PRKDC: variants seen among roughly 807,000 people sequenced by gnomAD.
PRKDC encodes protein kinase, DNA-activated, catalytic subunit, also known as DNA-dependent protein kinase catalytic subunit.
In PRKDC, 82 loss-of-function variants were observed where a neutral mutation model predicts 486.9. The ratio of observed to expected loss-of-function variants is 0.17; its 90% CI spans 0.14 to 0.20. The LOEUF (loss-of-function observed/expected upper bound fraction) is 0.20. Among genes scored for constraint, PRKDC ranks in the 10% least tolerant of loss-of-function variants. The probability of loss-of-function intolerance (pLI) is 1.00; values close to 1 mark genes in which losing one functional copy is unlikely to be tolerated. For synonymous variants in PRKDC, 1,895 were observed against 1,837.0 expected, an observed-to-expected ratio of 1.03 and a Z score of -0.81; for missense variants, 4,504 against 5,038.2, an observed-to-expected ratio of 0.89 and a Z score of 3.21.
intron 17 of PRKDC, among the ~76,000 whole-genome samples, chr8:47,930,415 G>A (rs2090230276): frequency 1.3e-5 from 2 of 152,154 alleles, no homozygotes; most frequent in South Asian, 4.1e-4. Flanking sequence ...TGGGACTACA[G>A]GCGCCTGACA....
intron 44 of PRKDC, 88 bp from the exon 45 acceptor site, chr8:47,861,059 AATTAT>A: frequency 1.1e-6 from 1 of 899,702 alleles, no homozygotes; most frequent in Non-Finnish European, 1.6e-6. Context: ...GCAAAAAAAA[AATTAT>A]AAATTTTTAA....
chr8:47,777,844 G>T lies in PRKDC; in HGVS notation c.11884C>A (p.Arg3962=). The T allele has an allele frequency of 6.2e-7, 1 of 1,613,948 alleles. No individual in the cohort carries two copies. Among genetic ancestry groups the T allele is most frequent in the Non-Finnish European group, 8.5e-7 (1 of 1,179,866 alleles). Residue 3962 remains arginine (R), a synonymous_variant, in exon 84 of 86, where the codon CGG becomes AGG. Transcript: ENST00000314191. ...FLPVPELMPF[R]LTRQFINLML... The stretch of plus-strand genomic sequence containing the variant: ...AGATTGATAAACTGGCGAGTTAGCC[G>T]AAAAGGCATCAACTCAGGGACTGGC...
At chr8:47,834,513 C>G in intron 58 of PRKDC, 117 bp from the exon 59 acceptor site, 2 of 1,058,376 alleles carry the variant, frequency 1.9e-6, no homozygotes, top group South Asian at 3.1e-5. Context: ...TCAACTCCAA[C>G]CCTGGGCAGA....
chr8:47,926,166 T>A (rs1471596606), intron 21 of PRKDC, among the ~76,000 whole-genome samples: 1 of 152,198 alleles, frequency 6.6e-6, no homozygotes, highest in Non-Finnish European at 1.5e-5. Context: ...AAGTGATGTA[T>A]TTGTCATGAA....
rs772128380 is a variant in PRKDC at position 47,774,338 on chromosome 8, G to C, written c.12222C>G (p.Phe4074Leu). ...CTCGTGCCACAGCCACATAGTCTCT[G>C]AAGGCAGGGGCCTTCTCATGACCCA... ...LLLGHEKAPA[F>L]RDYVAVARGS... Residue 4074 changes from phenylalanine (F) to leucine (L), a missense_variant, in exon 86 of 86, where the codon TTC becomes TTG. Phe to Leu is a conservative substitution (Grantham distance 22). Around this residue, in one of 6 missense-constraint regions of PRKDC, gnomAD observed 706 missense variants for 945.0 expected, o/e 0.75. Coordinates refer to ENST00000314191, the MANE Select transcript of PRKDC (RefSeq NM_006904.7). The C allele has an allele frequency of 1.2e-6, 2 of 1,613,474 alleles. No homozygotes were observed. Among genetic ancestry groups the C allele is most frequent in the South Asian group, 2.2e-5 (2 of 90,934 alleles).
At chr8:47,819,954 A>C (rs1589719063) in intron 66 of PRKDC, among the ~76,000 whole-genome samples, 1 of 152,248 alleles carries the variant, frequency 6.6e-6, no homozygotes, top group East Asian at 1.9e-4. Flanking sequence ...AAATGTTATT[A>C]ATAAACTTTA....
At position 47,800,785 on chromosome 8, in the gene PRKDC, A is replaced by G. The variant is rs778989467; in HGVS notation, c.10116+8T>C. 4 of 1,598,514 alleles carry G rather than the reference A, an allele frequency of 2.5e-6. No homozygotes were observed. In the South Asian group the frequency reaches 3.4e-5, roughly 14 times the overall value. On this transcript the variant is annotated splice_region_variant and intron_variant, in intron 71 of 85. Transcript: ENST00000314191. ...GCACACTAGCGTAAAACATTCCTCCAGTATTACCTTCTCTGAATCCTCTGA... is the reference window on the plus strand; with the variant it reads ...GCACACTAGCGTAAAACATTCCTCCGGTATTACCTTCTCTGAATCCTCTGA...
At chr8:47,821,212 A>T (rs1427367464) in intron 65 of PRKDC, among the ~76,000 whole-genome samples, 4 of 152,214 alleles carry the variant, frequency 2.6e-5, no homozygotes, top group Admixed American at 2.6e-4. Flanking sequence ...TGTTACGTAC[A>T]AACTGAGGAA....
At position 47,785,258 on chromosome 8, in the gene PRKDC, C is replaced by A; in HGVS notation, c.10962G>T (p.Met3654Ile). 6.2e-7 allele frequency: 1 copy of A among 1,612,958 alleles called. No homozygotes were observed. Among genetic ancestry groups the A allele is most frequent in the South Asian group, 1.1e-5 (1 of 90,878 alleles). Residue 3654 changes from methionine to isoleucine, a missense_variant, in exon 77 of 86, where the codon ATG becomes ATT. Met to Ile is a conservative substitution (Grantham distance 10, BLOSUM62 1). Around this residue, in one of 6 missense-constraint regions of PRKDC, gnomAD observed 706 missense variants for 945.0 expected, o/e 0.75. Coordinates refer to ENST00000314191, the MANE Select transcript of PRKDC (RefSeq NM_006904.7). Reference protein sequence around the residue: ...FGKGGSKLLRMKLSDFNDITN... With the variant: ...FGKGGSKLLRIKLSDFNDITN... ...TAATGTCGTTGAAGTCACTGAGCTT[C>A]ATTCTCAGTAGTTTAGAACCTCCTT...
At chr8:47,858,005 G>A (rs2088583764) in intron 48 of PRKDC, among the ~76,000 whole-genome samples, 1 of 152,052 alleles carries the variant, frequency 6.6e-6, no homozygotes, top group South Asian at 2.1e-4. Context: ...CTCACCCAGG[G>A]ACCACCCGTG....
chr8:47,904,694 G>C (rs547868730), intron 26 of PRKDC, among the ~76,000 whole-genome samples, 175 bp downstream of exon 26: 2 of 152,348 alleles, frequency 1.3e-5, no homozygotes, highest in East Asian at 3.9e-4. Context: ...TCAGGAGGCT[G>C]AGACAGGAGA....
intron 52 of PRKDC, among the ~76,000 whole-genome samples, chr8:47,850,056 C>T (rs1262651254): frequency 6.6e-6 from 1 of 152,114 alleles, no homozygotes; most frequent in African/African-American, 2.4e-5. Flanking sequence ...ATCTGTCTCC[C>T]CTCCCCAAAT....
At chr8:47,802,479 C>CTTT (rs547957995) in intron 70 of PRKDC, among the ~76,000 whole-genome samples, 3 of 130,326 alleles carry the variant, frequency 2.3e-5, no homozygotes, top group Admixed American at 7.8e-5. Context: ...GAGGAAATGG[C>CTTT]TTTTTTTTTT....
chr8:47,856,097 A>G (rs990375031), intron 49 of PRKDC, among the ~76,000 whole-genome samples: 3 of 152,226 alleles, frequency 2.0e-5, no homozygotes, highest in Non-Finnish European at 4.4e-5. Flanking sequence ...CATTTTATTA[A>G]GCAGAAAACA....
At chr8:47,892,467 A>T (rs1371872577) in intron 31 of PRKDC, among the ~76,000 whole-genome samples, 1 of 152,086 alleles carries the variant, frequency 6.6e-6, no homozygotes, top group Non-Finnish European at 1.5e-5. Flanking sequence ...AGTAGCTGGG[A>T]TCACAGATGT....
Position 47,953,614 on chromosome 8 carries a change from C to T in PRKDC, c.721+6G>A. On this transcript the variant is annotated splice_donor_region_variant and intron_variant, in intron 7 of 85. Coordinates refer to ENST00000314191, the MANE Select transcript of PRKDC (RefSeq NM_006904.7). ...ATAAAGAAAATCAAGTGAAGCCAAG[C>T]AATACCTTCTTCCATGGACTTAGTG... 3 of 1,608,678 alleles carry T rather than the reference C, an allele frequency of 1.9e-6. No individual in the cohort carries two copies. The highest frequency in any genetic ancestry group is 1.7e-4 in the Middle Eastern group (1 of 6,054).
intron 44 of PRKDC, 79 bp from the exon 45 acceptor site, chr8:47,861,050 CAA>C: frequency 1.1e-5 from 9 of 855,276 alleles, no homozygotes; most frequent in South Asian, 4.6e-5. Context: ...AGCAATCTGG[CAA>C]AAAAAAAATT....
intron 21 of PRKDC, among the ~76,000 whole-genome samples, chr8:47,924,593 A>G (rs2090124860): frequency 6.6e-6 from 1 of 151,902 alleles, no homozygotes; most frequent in Admixed American, 6.6e-5. Context: ...AAAAAGGAAA[A>G]TGAGATTTGG....
In PRKDC at chr8:47,914,794, A is replaced by G. The variant is rs768020952; in HGVS notation, c.2617+534T>C. Among the ~76,000 whole-genome samples, 130 of 89,114 alleles carry G rather than the reference A, an allele frequency of 1.5e-3. 1 individual carries two copies. The highest frequency in any genetic ancestry group is 4.8e-3 in the Middle Eastern group (1 of 208). 58.5% of individuals were successfully genotyped at this position (89,114 alleles called of 152,430 possible). ...CCAGCTTGGGCAACAGAGCGAGGGG[A>G]AAAAAAAAAAAAAAAGCTGATTCTT... On this transcript the variant is annotated intron_variant, in intron 23 of 85. Coordinates refer to ENST00000314191, the MANE Select transcript of PRKDC (RefSeq NM_006904.7).
Sources: allele counts gnomAD v4.1 joint callset (sites outside exome capture counted in the v4.1 genomes callset), GRCh38; gene constraint gnomAD v4.1.1; regional missense constraint gnomAD v4.1.1; transcripts MANE v1.5; gene names NCBI Gene and HGNC (gene_info 2026-07-23, HGNC 2026-07-21).